Variants in DIP2C observed in about 807,000 individuals in gnomAD.
The protein encoded by DIP2C is DIP2 acetate--CoA ligase C (putative).
Under a neutral mutation model 192.4 loss-of-function variants are expected in DIP2C, and 33 were observed. The observed-to-expected ratio is 0.17, with a 90% confidence interval of 0.13 to 0.23. DIP2C has a LOEUF of 0.23. Among genes scored for constraint, DIP2C ranks in the 10% least tolerant of loss-of-function variants. DIP2C has a pLI of 1.00. For synonymous variants in DIP2C, 979 were observed against 864.1 expected (o/e 1.13, Z -2.33); for missense variants, 1,537 against 2,110.1 (o/e 0.73, Z 5.32).
chr10:640,322 G>A (rs2131935394), intron 1 of DIP2C, among the ~76,000 whole-genome samples: 1 of 152,358 alleles, frequency 6.6e-6, no homozygotes, highest in East Asian at 1.9e-4. Context: ...CACGGCAGAT[G>A]GCCAAGTGTT....
At chr10:299,783 AC>A (rs1319482292) in intron 32 of DIP2C, among the ~76,000 whole-genome samples, 1 of 152,222 alleles carries the variant, frequency 6.6e-6, no homozygotes, top group Non-Finnish European at 1.5e-5. Flanking sequence ...AGGGACTCTT[AC>A]AATTCAATAG....
chr10:517,641 T>G (rs1444373075), intron 1 of DIP2C, among the ~76,000 whole-genome samples: 2 of 152,206 alleles, frequency 1.3e-5, no homozygotes, highest in African/African-American at 2.4e-5. Context: ...TTTGGAATGA[T>G]TCTACCGAAT....
At position 544,833 on chromosome 10, in the gene DIP2C, T is replaced by C. The variant is rs182049271; in HGVS notation, c.86-58303A>G. ...AGATATTCTTGATATCAGGCCCTTA[T>C]TGGGATAATGTGTCTTGTTCTGTGG... On this transcript the variant is annotated intron_variant, in intron 1 of 36. Coordinates refer to ENST00000280886, the MANE Select transcript of DIP2C (RefSeq NM_014974.3). 2.0e-3 allele frequency among the ~76,000 whole-genome samples: 307 copies of C among 152,368 alleles called. 1 individual carries two copies. Among genetic ancestry groups the C allele is most frequent in the Middle Eastern group, 0.01 (3 of 294 alleles).
At chr10:670,202 A>G (rs965244691) in intron 1 of DIP2C, among the ~76,000 whole-genome samples, 5 of 152,214 alleles carry the variant, frequency 3.3e-5, no homozygotes, top group African/African-American at 1.2e-4. Flanking sequence ...ATGTGTGCAC[A>G]TGTATGCACA....
intron 1 of DIP2C, among the ~76,000 whole-genome samples, chr10:612,229 T>C (rs939425746): frequency 6.6e-6 from 1 of 151,674 alleles, no homozygotes; most frequent in Non-Finnish European, 1.5e-5. Flanking sequence ...GGAGGCGAGG[T>C]TGCAGTGAGC....
At chr10:671,603 C>G (rs1285379981) in intron 1 of DIP2C, among the ~76,000 whole-genome samples, 29 of 46,606 alleles carry the variant, frequency 6.2e-4, no homozygotes, top group African/African-American at 7.4e-4. Flanking sequence ...ACAGACGCAC[C>G]GACGGAGGAA....
chr10:612,052 T>G (rs1853132571), intron 1 of DIP2C, among the ~76,000 whole-genome samples: 1 of 152,024 alleles, frequency 6.6e-6, no homozygotes, highest in East Asian at 1.9e-4. Flanking sequence ...TCCCAGCACT[T>G]TGGGAGGCCA....
At chr10:559,167 C>T (rs1414074802) in intron 1 of DIP2C, among the ~76,000 whole-genome samples, 8 of 152,232 alleles carry the variant, frequency 5.3e-5, no homozygotes, top group African/African-American at 7.2e-5. Context: ...ATCTCATATG[C>T]TCATGAGACC....
chr10:557,054 A>G (rs1317998121), intron 1 of DIP2C, among the ~76,000 whole-genome samples: 2 of 152,220 alleles, frequency 1.3e-5, no homozygotes, highest in Non-Finnish European at 2.9e-5. Flanking sequence ...TCCCTCCTGC[A>G]GAGCTCAAAG....
Position 363,335 on chromosome 10 carries a change from G to A in DIP2C, c.2478-24C>T. ...TCCTGCGGGGACACAGGAGCATGGT[G>A]AGCACGCGCCGGGGACGCTCATGCA... is the stretch of plus-strand genomic sequence containing the variant. On this transcript the variant is annotated intron_variant, in intron 20 of 36. Transcript: ENST00000280886. The surrounding 1 kb of genome is among the most constrained non-coding windows in gnomAD (Gnocchi z 5.4). The A allele has an allele frequency of 6.2e-7, 1 of 1,603,880 alleles. No homozygotes were observed. The highest frequency in any genetic ancestry group is 8.5e-7 in the Non-Finnish European group (1 of 1,176,194).
At chr10:591,104 G>A (rs1220935403) in intron 1 of DIP2C, among the ~76,000 whole-genome samples, 1 of 150,640 alleles carries the variant, frequency 6.6e-6, no homozygotes, top group Non-Finnish European at 1.5e-5. Context: ...ATAACAGTCA[G>A]GTTTCCATTA....
intron 17 of DIP2C, among the ~76,000 whole-genome samples, chr10:381,742 T>C (rs1204450467): frequency 2.0e-5 from 3 of 152,218 alleles, no homozygotes; most frequent in Admixed American, 6.5e-5. Context: ...CTGGGAAGCC[T>C]GTTGCAAGCA....
At chr10:518,436 C>G (rs1050879557) in intron 1 of DIP2C, among the ~76,000 whole-genome samples, 1 of 152,270 alleles carries the variant, frequency 6.6e-6, no homozygotes. Context: ...GGCTTTCCCC[C>G]AGAAACGCAC....
intron 1 of DIP2C, chr10:667,334 GGCC>G (rs1857156588): frequency 6.6e-6 from 1 of 152,396 alleles, no homozygotes; most frequent in Non-Finnish European, 1.5e-5. Context: ...ACCTGGCTGA[GGCC>G]TCCTGGGGAG....
At position 327,099 on chromosome 10, in the gene DIP2C, C is replaced by T. The variant is rs141877361; in HGVS notation, c.3831G>A (p.Gln1277=). 1,786 of 1,614,072 alleles carry T rather than the reference C, an allele frequency of 1.1e-3. 4 individuals are homozygous for T. The highest frequency in any genetic ancestry group is 1.2e-3 in the Non-Finnish European group (1,430 of 1,180,046). Residue 1277 remains glutamine, a synonymous_variant, in exon 31 of 37, where the codon CAG becomes CAA. Transcript: ENST00000280886. ...AEERPRIALT[Q]SFSKLFKDLG... ...GGTCCTTAAACAGCTTTGAGAACGA[C>T]TGTGTGAGTGCGATCCGAGGCCTCT...
intron 1 of DIP2C, among the ~76,000 whole-genome samples, chr10:559,343 C>T (rs898526954): frequency 3.9e-5 from 6 of 152,108 alleles, no homozygotes; most frequent in Non-Finnish European, 7.4e-5. Context: ...GGGGGAACGC[C>T]GGGGGAAGCC....
chr10:664,220 TC>T (rs1370537035), intron 1 of DIP2C: 2 of 152,042 alleles, frequency 1.3e-5, no homozygotes, highest in Non-Finnish European at 2.9e-5. Context: ...ACACAGAAAC[TC>T]CCATCTGCCT....
rs116704279 is a variant in DIP2C at position 300,229 on chromosome 10, G to A, written c.3986+9802C>T. 9.6e-3 allele frequency among the ~76,000 whole-genome samples: 1,458 copies of A among 152,288 alleles called. 22 individuals are homozygous for A. Among genetic ancestry groups the A allele is most frequent in the African/African-American group, 0.033 (1,372 of 41,546 alleles). ...AAACCCATGTTCACAGCAGCCCAAA[G>A]GTGGAAGCAACCCAAGTGAACATCG... is the stretch of plus-strand genomic sequence containing the variant. On this transcript the variant is annotated intron_variant, in intron 32 of 36. Coordinates refer to ENST00000280886, the MANE Select transcript of DIP2C (RefSeq NM_014974.3).
intron 24 of DIP2C, 45 bp from the exon 25 acceptor site, chr10:349,499 G>A (rs753570387): frequency 3.8e-6 from 6 of 1,577,362 alleles, no homozygotes; most frequent in Admixed American, 3.4e-5. Flanking sequence ...TCCTTCAGCA[G>A]AGCAGCTTGC....
Sources: allele counts gnomAD v4.1 joint callset (sites outside exome capture counted in the v4.1 genomes callset), GRCh38; gene constraint gnomAD v4.1.1; non-coding constraint Gnocchi (gnomAD v3.1); transcripts MANE v1.5; gene names NCBI Gene and HGNC (gene_info 2026-07-23, HGNC 2026-07-21).